The following RIMS2 variants were observed in gnomAD, a reference collection of about 807,000 sequenced individuals.
The protein encoded by RIMS2 is regulating synaptic membrane exocytosis protein 2.
RIMS2 carries 59 observed loss-of-function variants against 174.4 expected under a neutral mutation model. That is an observed-to-expected ratio of 0.34 (90% CI 0.27 to 0.42). RIMS2 has a LOEUF of 0.42. RIMS2 is among the 10% of genes least tolerant of loss of function. The pLI is 1.00. For missense variants in RIMS2, 1,620 were observed against 1,666.3 expected (o/e 0.97, Z 0.48); for synonymous variants, 606 against 572.5 (o/e 1.06, Z -0.84).
At chr8:104,071,397 C>G (rs1243288938) in intron 19 of RIMS2, among the ~76,000 whole-genome samples, 4 of 152,012 alleles carry the variant, frequency 2.6e-5, no homozygotes, top group Admixed American at 1.3e-4. Flanking sequence ...CCCTTCAGAC[C>G]AATGGAATAA....
At chr8:103,556,467 T>C (rs183908115) in intron 1 of RIMS2, among the ~76,000 whole-genome samples, 74 of 152,264 alleles carry the variant, frequency 4.9e-4, no homozygotes, top group African/African-American at 1.8e-3. Context: ...TCCCATAATG[T>C]AGAGGAAATA....
At chr8:103,881,293 C>G (rs1340083589) in intron 3 of RIMS2, among the ~76,000 whole-genome samples, 1 of 151,414 alleles carries the variant, frequency 6.6e-6, no homozygotes, top group African/African-American at 2.4e-5. Flanking sequence ...TAATTTTTCA[C>G]TGTTTATAAA....
chr8:103,862,196 T>C (rs979810485), intron 3 of RIMS2, among the ~76,000 whole-genome samples: 23 of 152,080 alleles, frequency 1.5e-4, no homozygotes, highest in African/African-American at 4.8e-4. Context: ...CTTAATGTGG[T>C]TATCCAATTT....
chr8:103,597,252 C>G (rs1457771126), intron 1 of RIMS2, among the ~76,000 whole-genome samples: 5 of 152,116 alleles, frequency 3.3e-5, no homozygotes, highest in Non-Finnish European at 5.9e-5. Context: ...ATATAAAGTT[C>G]TAGTTCTCTG....
At chr8:103,981,264 A>G (rs2093881934) in intron 16 of RIMS2, among the ~76,000 whole-genome samples, 1 of 152,102 alleles carries the variant, frequency 6.6e-6, no homozygotes, top group African/African-American at 2.4e-5. Flanking sequence ...TGTCTGGGAG[A>G]AAGTAAGGGA....
At chr8:103,681,549 C>T (rs143335732) in intron 1 of RIMS2, among the ~76,000 whole-genome samples, 1 of 151,872 alleles carries the variant, frequency 6.6e-6, no homozygotes, top group African/African-American at 2.4e-5. Flanking sequence ...AAAAAGTGTA[C>T]ATAGCAATCC....
At chr8:103,753,530 A>G (rs1369424571) in intron 2 of RIMS2, among the ~76,000 whole-genome samples, 1 of 151,998 alleles carries the variant, frequency 6.6e-6, no homozygotes, top group African/African-American at 2.4e-5. Flanking sequence ...TCCTCCTTAT[A>G]CCTCTGGTAG....
intron 2 of RIMS2, among the ~76,000 whole-genome samples, chr8:103,704,424 ATTG>A (rs1340522826): frequency 1.3e-5 from 2 of 151,728 alleles, no homozygotes; most frequent in African/African-American, 4.8e-5. Context: ...TCTAGTCGTC[ATTG>A]TTGTTGTTTC....
intron 1 of RIMS2, among the ~76,000 whole-genome samples, chr8:103,554,572 A>G (rs1563760227): frequency 6.6e-6 from 1 of 152,208 alleles, no homozygotes; most frequent in Admixed American, 6.5e-5. Context: ...GGGAACACTT[A>G]TGCACTGTTG....
chr8:103,590,199 T>C (rs561177876), intron 1 of RIMS2, among the ~76,000 whole-genome samples: 2 of 151,430 alleles, frequency 1.3e-5, no homozygotes, highest in East Asian at 1.9e-4. Flanking sequence ...ATCCCATAAA[T>C]ATATACACCT....
intron 8 of RIMS2, among the ~76,000 whole-genome samples, chr8:103,917,128 A>T (rs2154528643): frequency 6.6e-6 from 1 of 152,324 alleles, no homozygotes; most frequent in South Asian, 2.1e-4. Context: ...CAAGTGAATT[A>T]CATTACATGC....
rs1030940450 is a variant in RIMS2, at chr8:103,747,581, G to C, written c.388-18646G>C. Among the ~76,000 whole-genome samples the C allele has an allele frequency of 3.9e-5, 6 of 152,078 alleles. No individual in the cohort carries two copies. The East Asian group carries it at 9.6e-4, about 24-fold the overall frequency. ...AGAAATAATTTATGAGAGATACCTG[G>C]TGACTCAGGCTAAGGTAATTGTGGT... On this transcript the variant is annotated intron_variant, in intron 2 of 23. Transcript: ENST00000504942.
chr8:103,929,883 T>C (rs1213783618), intron 11 of RIMS2, among the ~76,000 whole-genome samples: 1 of 151,900 alleles, frequency 6.6e-6, no homozygotes, highest in Non-Finnish European at 1.5e-5. Flanking sequence ...GTTAATCTCT[T>C]AATCTAAGGC....
intron 11 of RIMS2, among the ~76,000 whole-genome samples, chr8:103,929,857 C>A (rs146826920): frequency 0.011 from 1,732 of 151,814 alleles, 17 homozygotes; most frequent in Middle Eastern, 0.024. Context: ...ATTTTGGAGA[C>A]TTTTTTCTTC....
At chr8:103,669,945 C>T (rs2096724473) in intron 1 of RIMS2, among the ~76,000 whole-genome samples, 1 of 152,144 alleles carries the variant, frequency 6.6e-6, no homozygotes, top group Admixed American at 6.5e-5. Flanking sequence ...CCAGTGTGGA[C>T]TCTGTGTGGG....
intron 2 of RIMS2, among the ~76,000 whole-genome samples, chr8:103,713,612 A>G (rs1258852114): frequency 6.6e-6 from 1 of 152,006 alleles, no homozygotes; most frequent in Non-Finnish European, 1.5e-5. Context: ...ATCTTCTGTC[A>G]CCTAGACTAA....
intron 5 of RIMS2, chr8:103,910,348 C>G (rs2075427759): frequency 6.3e-7 from 1 of 1,592,830 alleles, no homozygotes; most frequent in African/African-American, 1.4e-5. Context: ...AAAAGAAAAA[C>G]TAGTGAGCAG....
chr8:103,534,742 A>G (rs1839013515), intron 1 of RIMS2, among the ~76,000 whole-genome samples: 2 of 152,206 alleles, frequency 1.3e-5, no homozygotes, highest in South Asian at 4.1e-4. Flanking sequence ...TATTCTCATC[A>G]GTAGACCTGT....
chr8:103,515,528 G>A (rs1436278325), intron 1 of RIMS2, among the ~76,000 whole-genome samples: 1 of 152,122 alleles, frequency 6.6e-6, no homozygotes, highest in Non-Finnish European at 1.5e-5. Flanking sequence ...TGGAACAACA[G>A]AGAACAATAT....
Sources: allele counts gnomAD v4.1 joint callset (sites outside exome capture counted in the v4.1 genomes callset), GRCh38; gene constraint gnomAD v4.1.1; transcripts MANE v1.5; gene names NCBI Gene and HGNC (gene_info 2026-07-23, HGNC 2026-07-21).